The following NDRG4 variants were observed in gnomAD, a reference collection of about 807,000 sequenced individuals.
NDRG4 encodes NDRG family member 4, also known as protein NDRG4.
In NDRG4, 38 loss-of-function variants were observed where a neutral mutation model predicts 55.8. The observed-to-expected ratio is 0.68, with a 90% CI of 0.53 to 0.89. The LOEUF (loss-of-function observed/expected upper bound fraction) is 0.89, where lower values mean the gene tolerates loss of function less well. NDRG4 is among the 40% of genes least tolerant of loss of function. NDRG4 has a pLI of 0.00. For missense variants in NDRG4, 455 were observed against 468.6 expected (o/e 0.97, Z 0.27); for synonymous variants, 190 against 182.7 (o/e 1.04, Z -0.32).
rs1189574766 is a variant in NDRG4 at position 58,512,174 on chromosome 16, T to C, written c.*598T>C. The C allele has an allele frequency of 2.2e-6, 1 of 450,064 alleles. No homozygotes were observed. The allele number at this position is 450,064 out of a possible 1,614,324, so 27.9% of individuals were successfully genotyped here. On this transcript the variant is annotated 3_prime_UTR_variant, in exon 15 of 15. Coordinates refer to ENST00000570248, the MANE Select transcript of NDRG4 (RefSeq NM_001242835.2). ...AGGCAGGGGCGTCAAGGGGTTTCTCTGCCCAAGGAAGACAGAACATGGAGA... is the reference window on the plus strand; with the variant it reads ...AGGCAGGGGCGTCAAGGGGTTTCTCCGCCCAAGGAAGACAGAACATGGAGA...
At chr16:58,496,409 C>G (rs1449527561), upstream of NDRG4, among the ~76,000 whole-genome samples, 1 of 152,052 alleles carries the variant, frequency 6.6e-6, no homozygotes, top group East Asian at 1.9e-4. Context: ...CACATGGAGG[C>G]AGCATTTTTT....
rs765866143 is a variant in NDRG4, at chr16:58,504,103, T to C, written c.128-51T>C. 3.1e-6 allele frequency: 5 copies of C among 1,608,862 alleles called. No individual in the cohort carries two copies. In the Admixed American group the frequency reaches 6.7e-5, roughly 21 times the overall value. On this transcript the variant is annotated intron_variant, in intron 2 of 14. Transcript: ENST00000570248. ...TGCCCTCTGGGGGCCCGGCCTTCCT[T>C]CCAGTCCCCCGGCCCCTCTGCTCAG...
In NDRG4 at chr16:58,508,983, G is replaced by C; in HGVS notation, c.751G>C (p.Asp251His). ...DGVVECNSKL[D>H]PTTTTFLKMA... ...TCAGGTGGAGTGCAACTCCAAACTG[G>C]ACCCGACCACTACGACCTTCCTGAA... The change falls in exon 11 of 15, where the codon GAC becomes CAC. Residue 251 changes from aspartate (D) to histidine (H), a missense_variant. Transcript: ENST00000570248. 1 of 1,614,032 alleles carries C rather than the reference G, an allele frequency of 6.2e-7. No individual in the cohort carries two copies. The highest frequency in any genetic ancestry group is 8.5e-7 in the Non-Finnish European group (1 of 1,179,998).
intron 1 of NDRG4, among the ~76,000 whole-genome samples, chr16:58,478,313 T>C (rs1343453050): frequency 2.0e-5 from 3 of 150,560 alleles, no homozygotes; most frequent in Non-Finnish European, 4.4e-5. Context: ...CACTTGAACG[T>C]GGGAGGCAGA....
intron 1 of NDRG4, among the ~76,000 whole-genome samples, chr16:58,487,394 C>T (rs2035221586): frequency 1.3e-5 from 2 of 152,066 alleles, no homozygotes; most frequent in African/African-American, 2.4e-5. Flanking sequence ...GTGGTGTGCA[C>T]CTGTAATCCC....
In NDRG4 at chr16:58,506,912, G is replaced by T; in HGVS notation, c.517G>T (p.Glu173Ter). ...DTVLSHLFSQ[E>*]ELVNNTELVQ... Reference sequence around the variant, plus strand: ...CCTCCATCCATCTCCCTGGGCCTAGGAGGAGCTGGTGAACAACACAGAGTT... The same window carrying T: ...CCTCCATCCATCTCCCTGGGCCTAGTAGGAGCTGGTGAACAACACAGAGTT... The change falls in exon 8 of 15, where the codon GAG becomes TAG. Residue 173 changes from glutamate to a stop codon, truncating the protein, a stop_gained and splice_region_variant. Coordinates refer to ENST00000570248, the MANE Select transcript of NDRG4 (RefSeq NM_001242835.2). LOFTEE classifies it high-confidence loss of function. The T allele has an allele frequency of 6.2e-7, 1 of 1,613,802 alleles. No homozygotes were observed. Among genetic ancestry groups the T allele is most frequent in the Non-Finnish European group, 8.5e-7 (1 of 1,179,848 alleles).
At chr16:58,481,629 C>A (rs557859215) in intron 1 of NDRG4, among the ~76,000 whole-genome samples, 2 of 152,262 alleles carry the variant, frequency 1.3e-5, no homozygotes, top group Admixed American at 1.3e-4. Flanking sequence ...CTTGCATCCT[C>A]CTGTCCTGCC....
intron 5 of NDRG4, 113 bp from the exon 6 acceptor site, chr16:58,506,274 G>C (rs2037995579): frequency 2.0e-6 from 2 of 995,592 alleles, no homozygotes; most frequent in Non-Finnish European, 3.2e-6. Flanking sequence ...TGCATGCACA[G>C]ACCCGGCTGT....
At chr16:58,463,796 C>T (rs1343411439) in exon 1 of NDRG4, 1 of 151,628 alleles carries the variant, frequency 6.6e-6, no homozygotes, top group African/African-American at 2.4e-5. Flanking sequence ...CGCATCTCCG[C>T]GGTGAGTCGG....
In NDRG4 at chr16:58,509,200, T is replaced by C; in HGVS notation, c.813+11T>C. On this transcript the variant is annotated intron_variant, in intron 12 of 14. Coordinates refer to ENST00000570248, the MANE Select transcript of NDRG4 (RefSeq NM_001242835.2). ...CCCCAGGTCACACAGGTGAGACTTTTGGCCCTCCTGCCCTTACATCTATGG... is the reference window on the plus strand; with the variant it reads ...CCCCAGGTCACACAGGTGAGACTTTCGGCCCTCCTGCCCTTACATCTATGG... 3.1e-6 allele frequency: 5 copies of C among 1,613,996 alleles called. No individual in the cohort carries two copies. Among genetic ancestry groups the C allele is most frequent in the Non-Finnish European group, 4.2e-6 (5 of 1,180,004 alleles).
chr16:58,464,968 C>A lies in NDRG4; in HGVS notation c.-24+1171C>A, dbSNP rs2031283284. The A allele has an allele frequency of 1.7e-5, 20 of 1,196,342 alleles. No individual in the cohort carries two copies. The South Asian group carries it at 3.0e-4, about 18-fold the overall frequency. 74.1% of individuals were successfully genotyped at this position (1,196,342 alleles called of 1,614,324 possible). On this transcript the variant is annotated intron_variant, in intron 1 of 15. Coordinates refer to the NDRG4 transcript ENST00000258187. The surrounding 1 kb of genome is among the most constrained non-coding windows in gnomAD (Gnocchi z 4.8). ...GATTGGACCCTACTGACTGGGGACC[C>A]TCAGCCTTGGGGCTCCTCTGGAGAA... is the stretch of plus-strand genomic sequence containing the variant.
In NDRG4 at chr16:58,467,157, G is replaced by T. The variant is rs140947148; in HGVS notation, c.-24+3360G>T. On this transcript the variant is annotated intron_variant, in intron 1 of 15. Coordinates refer to the NDRG4 transcript ENST00000258187. The stretch of plus-strand genomic sequence containing the variant: ...TACGTCTCTAGGATAATTCTGTAGA[G>T]GCCTCTAACTCCCTGCCCCGACATC... 3.5e-3 allele frequency among the ~76,000 whole-genome samples: 538 copies of T among 152,294 alleles called. 4 individuals are homozygous for T. The highest frequency in any genetic ancestry group is 0.012 in the African/African-American group (512 of 41,568).
intron 4 of NDRG4, 36 bp downstream of exon 4, chr16:58,504,457 G>A: frequency 6.2e-7 from 1 of 1,612,514 alleles, no homozygotes. Context: ...TAGGGCCCAG[G>A]GGTGCCTACC....
At position 58,506,951 on chromosome 16, in the gene NDRG4, C is replaced by T. The variant is rs773931579; in HGVS notation, c.556C>T (p.Arg186Trp). The change falls in exon 8 of 15, where the codon CGG becomes TGG. Residue 186 changes from arginine (R) to tryptophan (W), a missense_variant. Arg to Trp is a moderately radical substitution (Grantham distance 101). Coordinates refer to ENST00000570248, the MANE Select transcript of NDRG4 (RefSeq NM_001242835.2). ...VNNTELVQSY[R>W]QQIGNVVNQA... ...CAACACAGAGTTGGTGCAGAGCTAC[C>T]GGCAGCAGATTGGGAACGTGGTGAA... 5.0e-6 allele frequency: 8 copies of T among 1,614,098 alleles called. No homozygotes were observed. Among genetic ancestry groups the T allele is most frequent in the Non-Finnish European group, 5.9e-6 (7 of 1,180,006 alleles).
At chr16:58,507,626 T>G in intron 8 of NDRG4, 182 bp from the exon 9 acceptor site, 7 of 604,114 alleles carry the variant, frequency 1.2e-5, no homozygotes, top group South Asian at 2.2e-5. Context: ...AGAGCAAAAT[T>G]TGAGAGCCCA....
At chr16:58,507,887 G>T in intron 9 of NDRG4, 23 bp downstream of exon 9, 1 of 1,613,986 alleles carries the variant, frequency 6.2e-7, no homozygotes, top group Non-Finnish European at 8.5e-7. Context: ...TGGCCCTCTG[G>T]CCTGCCCTGG....
chr16:58,480,534 G>A (rs2034266924), intron 1 of NDRG4, among the ~76,000 whole-genome samples: 1 of 152,210 alleles, frequency 6.6e-6, no homozygotes, highest in African/African-American at 2.4e-5. Flanking sequence ...GTGTGCATTT[G>A]AATACTGCTT....
intron 2 of NDRG4, among the ~76,000 whole-genome samples, chr16:58,493,303 C>CT (rs768855031): frequency 6.6e-6 from 1 of 152,190 alleles, no homozygotes; most frequent in Non-Finnish European, 1.5e-5. Context: ...GAGTCTCACT[C>CT]TATCACGCAA....
rs1447313890 is a variant in NDRG4 at position 58,506,772 on chromosome 16, T to A, written c.517-140T>A. 1.0e-5 allele frequency: 12 copies of A among 1,160,370 alleles called. 1 individual carries two copies. Among genetic ancestry groups the A allele is most frequent in the African/African-American group, 3.1e-5 (2 of 64,944 alleles). The allele number at this position is 1,160,370 out of a possible 1,614,324, so 71.9% of individuals were successfully genotyped here. Reference sequence around the variant, plus strand: ...ACATCCCCTCCCAAGGCCCCACACCTCCTACCTGCCCCCACCCTGTCTCCC... The same window carrying A: ...ACATCCCCTCCCAAGGCCCCACACCACCTACCTGCCCCCACCCTGTCTCCC... On this transcript the variant is annotated intron_variant, in intron 7 of 14. Coordinates refer to ENST00000570248, the MANE Select transcript of NDRG4 (RefSeq NM_001242835.2).
Sources: allele counts gnomAD v4.1 joint callset (sites outside exome capture counted in the v4.1 genomes callset), GRCh38; gene constraint gnomAD v4.1.1; non-coding constraint Gnocchi (gnomAD v3.1); transcripts MANE v1.5; gene names NCBI Gene and HGNC (gene_info 2026-07-23, HGNC 2026-07-21).